Variants in SYNJ1 observed in about 807,000 individuals in gnomAD.
The protein encoded by SYNJ1 is synaptojanin 1.
SYNJ1 carries 78 observed loss-of-function variants against 168.2 expected under a neutral mutation model. That is an observed-to-expected ratio of 0.46 (90% CI 0.39 to 0.56). The LOEUF is 0.56. Ranked by LOEUF, SYNJ1 falls within the 20% of genes least tolerant of loss-of-function variation. SYNJ1 has a pLI of 0.00. For synonymous variants in SYNJ1, 539 were observed against 548.6 expected (o/e 0.98, Z 0.24); for missense variants, 1,303 against 1,597.6 (o/e 0.82, Z 3.14).
intron 22 of SYNJ1, among the ~76,000 whole-genome samples, chr21:32,652,112 T>C (rs1032113169): frequency 6.6e-6 from 1 of 152,194 alleles, no homozygotes; most frequent in Non-Finnish European, 1.5e-5. Flanking sequence ...TGTTTCCTGA[T>C]ACATGATTTT....
intron 18 of SYNJ1, 127 bp downstream of exon 18, chr21:32,664,786 T>C: frequency 1.4e-6 from 1 of 712,254 alleles, no homozygotes; most frequent in Non-Finnish European, 2.2e-6. Flanking sequence ...TTCTATTATC[T>C]GTTTACCTAC....
chr21:32,685,800 G>C lies in SYNJ1; in HGVS notation c.1066C>G (p.Gln356Glu). The part of the protein sequence containing the change: ...KLHSVLKPQV[Q>E]KFLDYGFFYF... ...AAAAATCCATAATCTAGAAACTTCTGGACTTGAGGTTTAAGAACACTATGT... is the reference window on the plus strand; with the variant it reads ...AAAAATCCATAATCTAGAAACTTCTCGACTTGAGGTTTAAGAACACTATGT... Residue 356 changes from glutamine to glutamate, a missense_variant, in exon 9 of 33, where the codon CAG becomes GAG. This residue lies in a region of SYNJ1 where 920 missense variants were observed against 1,208.8 expected (regional missense o/e 0.76). Coordinates refer to ENST00000674351, the MANE Select transcript of SYNJ1 (RefSeq NM_203446.3). 1 of 1,612,180 alleles carries C rather than the reference G, an allele frequency of 6.2e-7. No homozygotes were observed. The highest frequency in any genetic ancestry group is 8.5e-7 in the Non-Finnish European group (1 of 1,179,186).
intron 10 of SYNJ1, among the ~76,000 whole-genome samples, chr21:32,683,609 T>G (rs1307962935): frequency 1.3e-5 from 2 of 152,144 alleles, no homozygotes; most frequent in Admixed American, 1.3e-4. Context: ...GGTTACAAAT[T>G]GTCAAAAATA....
chr21:32,646,577 T>G lies in SYNJ1; in HGVS notation c.3063A>C (p.Glu1021Asp). 6.2e-7 allele frequency: 1 copy of G among 1,614,118 alleles called. No homozygotes were observed. ...MEGDVDDYSA[E>D]VEELLPQHLQ... is the part of the protein sequence containing the mutation. ...GATGCTGAGGAAGAAGTTCCTCCAC[T>G]TCAGCACTATAGTCATCAACATCAC... The change falls in exon 24 of 33, where the codon GAA becomes GAC. Residue 1021 changes from glutamate to aspartate, a missense_variant. Physicochemically the swap from Glu to Asp is conservative, Grantham distance 45 (BLOSUM62 2). Around this residue, in one of 2 missense-constraint regions of SYNJ1, gnomAD observed 383 missense variants for 388.8 expected, o/e 0.99. Transcript: ENST00000674351.
At chr21:32,676,271 C>G (rs753039802) in intron 13 of SYNJ1, 61 bp downstream of exon 13, 32 of 1,352,000 alleles carry the variant, frequency 2.4e-5, no homozygotes, top group South Asian at 8.9e-5. Flanking sequence ...TTTACAATAT[C>G]GACTTCAGAA....
chr21:32,635,052 CT>C (rs2039504333), intron 31 of SYNJ1, among the ~76,000 whole-genome samples, 168 bp from the exon 32 acceptor site: 1 of 152,114 alleles, frequency 6.6e-6, no homozygotes, highest in African/African-American at 2.4e-5. Flanking sequence ...ATTCCAATTC[CT>C]TTTATAATTT....
chr21:32,687,050 T>C lies in SYNJ1; in HGVS notation c.876A>G (p.Leu292=). The C allele has an allele frequency of 6.6e-7, 1 of 1,519,288 alleles. No homozygotes were observed. Among genetic ancestry groups the C allele is most frequent in the Non-Finnish European group, 8.8e-7 (1 of 1,134,716 alleles). The allele number at this position is 1,519,288 out of a possible 1,614,324, so 94.1% of individuals were successfully genotyped here. The stretch of plus-strand genomic sequence containing the variant: ...AATTTACTATTATTTGTTTACCATA[T>C]AAGTTCTTAAGTGTTCTAAAATGCC... The part of the protein sequence containing the change: ...FDRHFRTLKN[L]YGKQIIVNLL... The change falls in exon 8 of 33, where the codon TTA becomes TTG. Residue 292 remains leucine, a synonymous_variant. Coordinates refer to ENST00000674351, the MANE Select transcript of SYNJ1 (RefSeq NM_203446.3).
At chr21:32,670,638 T>A in intron 14 of SYNJ1, 1 of 413,420 alleles carries the variant, frequency 2.4e-6, no homozygotes, top group Non-Finnish European at 3.3e-6. Flanking sequence ...AAACTCTTGC[T>A]AAAGTTTTTA....
intron 18 of SYNJ1, among the ~76,000 whole-genome samples, chr21:32,658,713 CA>C (rs1473495185): frequency 6.6e-6 from 1 of 152,156 alleles, no homozygotes; most frequent in Non-Finnish European, 1.5e-5. Flanking sequence ...TGCCGGTGCC[CA>C]AAAGCGCTCA....
rs1354285778 is a variant in SYNJ1 at position 32,634,841 on chromosome 21, A to T, written c.*3+20T>A. The T allele has an allele frequency of 3.7e-6, 6 of 1,613,326 alleles. No homozygotes were observed. The highest frequency in any genetic ancestry group is 4.2e-6 in the Non-Finnish European group (5 of 1,179,584). ...TGAGACGGATGAAAACACATGTAAG[A>T]TTGATAAATTGTCAGATACCTGTTA... is the stretch of plus-strand genomic sequence containing the variant. On this transcript the variant is annotated intron_variant, in intron 32 of 32. Transcript: ENST00000674351.
intron 13 of SYNJ1, among the ~76,000 whole-genome samples, chr21:32,675,036 C>T (rs1199903286): frequency 6.6e-6 from 1 of 152,134 alleles, no homozygotes; most frequent in African/African-American, 2.4e-5. Flanking sequence ...GTAATGAAAG[C>T]AGATTACTTG....
intron 22 of SYNJ1, among the ~76,000 whole-genome samples, chr21:32,651,474 A>T (rs2040267055): frequency 6.6e-6 from 1 of 152,216 alleles, no homozygotes; most frequent in Non-Finnish European, 1.5e-5. Context: ...AATCCTAAGA[A>T]TTCATAATCC....
intron 2 of SYNJ1, among the ~76,000 whole-genome samples, chr21:32,719,492 T>A (rs924224056): frequency 3.3e-5 from 5 of 152,232 alleles, no homozygotes; most frequent in Middle Eastern, 3.4e-3. Context: ...GGTGGGCAGA[T>A]CACCTGAGGT....
In SYNJ1 at chr21:32,685,799, T is replaced by C. The variant is rs2041818948; in HGVS notation, c.1067A>G (p.Gln356Arg). 1 of 1,612,280 alleles carries C rather than the reference T, an allele frequency of 6.2e-7. No individual in the cohort carries two copies. The highest frequency in any genetic ancestry group is 1.7e-5 in the Admixed American group (1 of 59,780). Residue 356 changes from glutamine to arginine, a missense_variant, in exon 9 of 33, where the codon CAG (glutamine) becomes CGG (arginine). Transcript: ENST00000674351. ...KLHSVLKPQV[Q>R]KFLDYGFFYF... ...AAAAAATCCATAATCTAGAAACTTC[T>C]GGACTTGAGGTTTAAGAACACTATG...
intron 15 of SYNJ1, among the ~76,000 whole-genome samples, chr21:32,668,783 T>A (rs2145945414): frequency 6.6e-6 from 1 of 152,366 alleles, no homozygotes; most frequent in East Asian, 1.9e-4. Flanking sequence ...TCCCAAAGTG[T>A]GATCTGGAGA....
At chr21:32,722,949 A>C (rs1313312356) in intron 2 of SYNJ1, among the ~76,000 whole-genome samples, 1 of 152,230 alleles carries the variant, frequency 6.6e-6, no homozygotes, top group Non-Finnish European at 1.5e-5. Context: ...GCCAAAAAAA[A>C]GCAATCCCCT....
At position 32,695,732 on chromosome 21, in the gene SYNJ1, G is replaced by A. The variant is rs548286561; in HGVS notation, c.480-450C>T. 5.4e-3 allele frequency among the ~76,000 whole-genome samples: 818 copies of A among 151,176 alleles called. 3 individuals are homozygous for A. The highest frequency in any genetic ancestry group is 9.6e-3 in the Non-Finnish European group (649 of 67,828). On this transcript the variant is annotated intron_variant, in intron 4 of 32. Coordinates refer to ENST00000674351, the MANE Select transcript of SYNJ1 (RefSeq NM_203446.3). ...GGCTGGAGTGCAGTGGCATTATCTC[G>A]TCTCACTGCAACCTCTGTCTCCCAG...
intron 14 of SYNJ1, chr21:32,670,785 A>G (rs922401351): frequency 1.6e-5 from 16 of 984,802 alleles, no homozygotes; most frequent in Non-Finnish European, 1.8e-5. Flanking sequence ...GTTGGGAGGA[A>G]TTTTTCACAT....
chr21:32,645,614 A>T (rs764302162), intron 25 of SYNJ1, 32 bp downstream of exon 25: 1 of 1,505,090 alleles, frequency 6.6e-7, no homozygotes, highest in Non-Finnish European at 8.8e-7. Context: ...AGAATTTTAC[A>T]TCTAGCAGAA....
Sources: allele counts gnomAD v4.1 joint callset (sites outside exome capture counted in the v4.1 genomes callset), GRCh38; gene constraint gnomAD v4.1.1; regional missense constraint gnomAD v4.1.1; transcripts MANE v1.5; gene names NCBI Gene and HGNC (gene_info 2026-07-23, HGNC 2026-07-21).